The following ZNF607 variants were observed in gnomAD, a reference collection of about 807,000 sequenced individuals.
The protein encoded by ZNF607 is zinc finger protein 607.
In ZNF607, 5 loss-of-function variants were observed where a neutral mutation model predicts 12.8. The observed-to-expected ratio is 0.39, with a 90% CI of 0.20 to 0.82. ZNF607 has a LOEUF of 0.82. Among genes scored for constraint, ZNF607 ranks in the 40% least tolerant of loss-of-function variants. ZNF607 has a pLI of 0.39. For missense variants in ZNF607, 851 were observed against 859.2 expected, an observed-to-expected ratio of 0.99 and a Z score of 0.12; for synonymous variants, 287 against 276.2, an observed-to-expected ratio of 1.04 and a Z score of -0.39.
At chr19:37,701,370 C>G (rs2045037224) in intron 4 of ZNF607, among the ~76,000 whole-genome samples, 1 of 152,158 alleles carries the variant, frequency 6.6e-6, no homozygotes, top group East Asian at 1.9e-4. Flanking sequence ...TTACCTACTC[C>G]ACCCTAAATC....
chr19:37,703,384 T>C (rs2045055994), intron 4 of ZNF607, among the ~76,000 whole-genome samples: 1 of 151,916 alleles, frequency 6.6e-6, no homozygotes, highest in South Asian at 2.1e-4. Context: ...AATAATTACA[T>C]AAAATGTTTA....
chr19:37,698,388 T>C lies in ZNF607; in HGVS notation c.1743A>G (p.Arg581=), dbSNP rs766443733. 1.7e-5 allele frequency: 28 copies of C among 1,614,126 alleles called. No homozygotes were observed. In the East Asian group the frequency reaches 6.2e-4, roughly 36 times the overall value. ...RHATSLIYHD[R]THAGEKSYEC... Reference sequence around the variant, plus strand: ...CATAGGACTTTTCACCAGCATGAGTTCGGTCATGATATATGAGGCTTGTGG... The same window carrying C: ...CATAGGACTTTTCACCAGCATGAGTCCGGTCATGATATATGAGGCTTGTGG... The change falls in exon 5 of 5, where the codon CGA becomes CGG. Residue 581 remains arginine, a synonymous_variant. Transcript: ENST00000355202.
At position 37,697,417 on chromosome 19, in the gene ZNF607, G is replaced by C; in HGVS notation, c.*623C>G. ...TTGGCAGCCATGTTTTCTTCTGCGGGACCCTCTCACACCTGCTTCCACTCT... is the reference window on the plus strand; with the variant it reads ...TTGGCAGCCATGTTTTCTTCTGCGGCACCCTCTCACACCTGCTTCCACTCT... On this transcript the variant is annotated 3_prime_UTR_variant, in exon 5 of 5. Transcript: ENST00000355202. The C allele has an allele frequency of 8.2e-6, 10 of 1,218,346 alleles. No individual in the cohort carries two copies. Among genetic ancestry groups the C allele is most frequent in the Non-Finnish European group, 1.1e-5 (9 of 845,258 alleles). 75.5% of individuals were successfully genotyped at this position (1,218,346 alleles called of 1,614,324 possible).
intron 1 of ZNF607, among the ~76,000 whole-genome samples, chr19:37,715,269 A>G (rs1473826472): frequency 6.6e-6 from 1 of 151,746 alleles, no homozygotes; most frequent in East Asian, 1.9e-4. Context: ...CGAATTTACA[A>G]ATTTCATGGC....
At chr19:37,699,952 A>G in intron 4 of ZNF607, 57 bp from the exon 5 acceptor site, 1 of 1,409,654 alleles carries the variant, frequency 7.1e-7, no homozygotes, top group South Asian at 1.5e-5. Flanking sequence ...ATGTTATTGT[A>G]GAATTAAGAG....
rs1369482047 is a variant in ZNF607, at chr19:37,698,989, G to T, written c.1142C>A (p.Thr381Asn). Reference protein sequence around the residue: ...GKAFSVHGRLTRHQGIHSGKK... With the variant: ...GKAFSVHGRLNRHQGIHSGKK... ...ACCACTATGAATACCCTGATGTCGA[G>T]TAAGTCGTCCATGCACACTAAAGGC... Residue 381 changes from threonine (T) to asparagine (N), a missense_variant, in exon 5 of 5, where the codon ACT (threonine) becomes AAT (asparagine). Thr to Asn is a moderately conservative substitution (Grantham distance 65, BLOSUM62 0). Coordinates refer to ENST00000355202, the MANE Select transcript of ZNF607 (RefSeq NM_032689.5). The T allele has an allele frequency of 1.2e-6, 2 of 1,613,376 alleles. No homozygotes were observed. The highest frequency in any genetic ancestry group is 1.7e-6 in the Non-Finnish European group (2 of 1,179,822).
intron 4 of ZNF607, among the ~76,000 whole-genome samples, chr19:37,704,807 A>G (rs967221974): frequency 1.4e-5 from 2 of 143,328 alleles, no homozygotes; most frequent in African/African-American, 5.2e-5. Flanking sequence ...AATACAAAAA[A>G]TTAGTCGGGC....
intron 4 of ZNF607, 67 bp downstream of exon 4, chr19:37,707,847 G>T (rs1196889333): frequency 8.1e-7 from 1 of 1,233,636 alleles, no homozygotes; most frequent in African/African-American, 1.5e-5. Flanking sequence ...TTTACCAAAT[G>T]AGATGACCAC....
chr19:37,701,877 G>A (rs2045041784), intron 4 of ZNF607, among the ~76,000 whole-genome samples: 2 of 152,192 alleles, frequency 1.3e-5, no homozygotes, highest in Middle Eastern at 3.4e-3. Flanking sequence ...ATGGGGGGGA[G>A]ACAGAAAAGG....
intron 1 of ZNF607, among the ~76,000 whole-genome samples, chr19:37,714,311 A>AAACAAC (rs376072397): frequency 0.16 from 22,712 of 139,074 alleles, 2,294 homozygotes; most frequent in Non-Finnish European, 0.23. Context: ...CTCCGTCTCA[A>AAACAAC]AACAACAACA....
chr19:37,712,120 C>T (rs2045138488), intron 1 of ZNF607, among the ~76,000 whole-genome samples: 1 of 152,138 alleles, frequency 6.6e-6, no homozygotes, highest in Non-Finnish European at 1.5e-5. Context: ...ATATTGGAGA[C>T]AGATGGCGAG....
At chr19:37,706,654 C>T (rs753407102) in intron 4 of ZNF607, 3 of 148,160 alleles carry the variant, frequency 2.0e-5, no homozygotes, top group South Asian at 2.2e-4. Flanking sequence ...TCTTCCCCAC[C>T]GTGGCCAGAC....
At chr19:37,714,008 A>T (rs1299976831) in intron 1 of ZNF607, among the ~76,000 whole-genome samples, 1 of 152,106 alleles carries the variant, frequency 6.6e-6, no homozygotes, top group Non-Finnish European at 1.5e-5. Flanking sequence ...ATGAGTTAGT[A>T]AATAAGACAG....
intron 4 of ZNF607, among the ~76,000 whole-genome samples, chr19:37,703,932 C>T (rs1473360363): frequency 6.6e-6 from 1 of 152,004 alleles, no homozygotes; most frequent in African/African-American, 2.4e-5. Context: ...GTCAGGAGAT[C>T]GAGACTAGCC....
At chr19:37,717,461 A>T (rs2045185792) in intron 1 of ZNF607, among the ~76,000 whole-genome samples, 1 of 151,848 alleles carries the variant, frequency 6.6e-6, no homozygotes, top group South Asian at 2.1e-4. Context: ...CTGGGATTAC[A>T]GGCGGAAGCC....
In ZNF607 at chr19:37,698,998, C is replaced by G. The variant is rs764407677; in HGVS notation, c.1133G>C (p.Gly378Ala). The stretch of plus-strand genomic sequence containing the variant: ...AATACCCTGATGTCGAGTAAGTCGT[C>G]CATGCACACTAAAGGCTTTCCCACA... ...EECGKAFSVH[G>A]RLTRHQGIHS... The change falls in exon 5 of 5, where the codon GGA (glycine) becomes GCA (alanine). Residue 378 changes from glycine to alanine, a missense_variant. Physicochemically the swap from Gly to Ala is moderately conservative, Grantham distance 60 (BLOSUM62 0). Transcript: ENST00000355202. The G allele has an allele frequency of 6.2e-7, 1 of 1,613,538 alleles. No individual in the cohort carries two copies. The highest frequency in any genetic ancestry group is 1.7e-5 in the Admixed American group (1 of 59,952).
intron 1 of ZNF607, 22 bp from the exon 2 acceptor site, chr19:37,711,714 AG>A: frequency 7.8e-7 from 1 of 1,283,894 alleles, no homozygotes. Context: ...GAAGACCTTG[AG>A]ACCAGCTGTG....
In ZNF607 at chr19:37,711,722, T is replaced by A. The variant is rs117817325; in HGVS notation, c.-74-30A>T. The A allele has an allele frequency of 9.0e-4, 1,029 of 1,142,286 alleles. 2 individuals are homozygous for A. Among genetic ancestry groups the A allele is most frequent in the Admixed American group, 1.1e-3 (65 of 56,550 alleles). The allele number at this position is 1,142,286 out of a possible 1,614,324, so 70.8% of individuals were successfully genotyped here. On this transcript the variant is annotated intron_variant, in intron 1 of 4. Coordinates refer to ENST00000355202, the MANE Select transcript of ZNF607 (RefSeq NM_032689.5). ...AAGAAGAGAAGACCTTGAGACCAGC[T>A]GTGCTTTAGTGGTCCCCATAGGACT...
At position 37,709,783 on chromosome 19, in the gene ZNF607, G is replaced by A; in HGVS notation, c.49C>T (p.His17Tyr). 1.2e-6 allele frequency: 2 copies of A among 1,614,082 alleles called. No homozygotes were observed. The highest frequency in any genetic ancestry group is 1.7e-6 in the Non-Finnish European group (2 of 1,179,950). Residue 17 changes from histidine (H) to tyrosine (Y), a missense_variant, in exon 3 of 5, where the codon CAT becomes TAT. By Grantham distance (83) the His-to-Tyr change is moderately conservative. Transcript: ENST00000355202. ...AGGCTGAGATATTCCCACTCCTGAT[G>A]AGAGAAGTCTATGGCCACATCCCCG... ...TFGDVAIDFS[H>Y]QEWEYLSLVQ...
Sources: gnomAD v4.1 joint callset for allele counts (sites outside exome capture counted in the v4.1 genomes callset) on GRCh38, gnomAD v4.1.1 for gene constraint, MANE v1.5 for transcripts, NCBI Gene and HGNC (gene_info 2026-07-23, HGNC 2026-07-21) for gene names.